GNPTAB: variants seen among roughly 807,000 people sequenced by gnomAD.
GNPTAB encodes N-acetylglucosamine-1-phosphate transferase subunits alpha and beta, also known as N-acetylglucosamine-1-phosphotransferase subunits alpha/beta.
In GNPTAB, 92 loss-of-function variants were observed where a neutral mutation model predicts 136.6. The observed-to-expected ratio is 0.67, with a 90% CI of 0.57 to 0.80. GNPTAB has a LOEUF of 0.80. Among genes scored for constraint, GNPTAB ranks in the 30% least tolerant of loss-of-function variants. The pLI, the probability that GNPTAB is intolerant of heterozygous loss-of-function variation, is 0.00. For missense variants in GNPTAB, 1,343 were observed against 1,501.8 expected, an observed-to-expected ratio of 0.89 and a Z score of 1.75; for synonymous variants, 512 against 535.1, an observed-to-expected ratio of 0.96 and a Z score of 0.60.
chr12:101,772,331 A>G (rs1168842859), intron 7 of GNPTAB, among the ~76,000 whole-genome samples: 1 of 152,240 alleles, frequency 6.6e-6, no homozygotes, highest in East Asian at 1.9e-4. Flanking sequence ...CACAAATTTT[A>G]TTATGAGCTT....
chr12:101,787,899 G>GC (rs1370375403), intron 4 of GNPTAB, among the ~76,000 whole-genome samples: 2 of 98,876 alleles, frequency 2.0e-5, no homozygotes, highest in Admixed American at 2.6e-4. Flanking sequence ...GACAACAAGA[G>GC]CAAAACTCCG....
At chr12:101,772,856 G>A (rs949351386) in intron 7 of GNPTAB, among the ~76,000 whole-genome samples, 18 of 152,218 alleles carry the variant, frequency 1.2e-4, no homozygotes, top group African/African-American at 3.4e-4. Context: ...TGACTCTGTC[G>A]TGCAGGCTGG....
rs575510608 is a variant in GNPTAB at position 101,766,563 on chromosome 12, G to A, written c.1409-269C>T. 2.3e-3 allele frequency among the ~76,000 whole-genome samples: 352 copies of A among 152,260 alleles called. 1 individual carries two copies. Among genetic ancestry groups the A allele is most frequent in the South Asian group, 6.4e-3 (31 of 4,826 alleles). On this transcript the variant is annotated intron_variant, in intron 11 of 20. Transcript: ENST00000299314. ...TGAGGCAGGAGAATTGCTTGAACCCGGGAGGCGGAGGTTGCACTGAGCCAA... is the reference window on the plus strand; with the variant it reads ...TGAGGCAGGAGAATTGCTTGAACCCAGGAGGCGGAGGTTGCACTGAGCCAA...
intron 13 of GNPTAB, 21 bp downstream of exon 13, chr12:101,764,181 A>AT: frequency 6.2e-7 from 1 of 1,613,406 alleles, no homozygotes; most frequent in South Asian, 1.1e-5. Flanking sequence ...ATGAGAAAGA[A>AT]TGAGGCTGGA....
chr12:101,760,067 A>G lies in GNPTAB; in HGVS notation c.3212T>C (p.Ile1071Thr), dbSNP rs1341043294. The G allele has an allele frequency of 6.2e-7, 1 of 1,613,318 alleles. No homozygotes were observed. Among genetic ancestry groups the G allele is most frequent in the Non-Finnish European group, 8.5e-7 (1 of 1,179,270 alleles). Residue 1071 changes from isoleucine to threonine, a missense_variant, in exon 16 of 21, where the codon ATT (isoleucine) becomes ACT (threonine). Ile to Thr is a moderately conservative substitution (Grantham distance 89). Coordinates refer to ENST00000299314, the MANE Select transcript of GNPTAB (RefSeq NM_024312.5). ...ATAGTAGGATTCCTGAGTTGGTGGA[A>G]TATTATTTAGCTGCGTGATATCAGC... ...LPADITQLNN[I>T]PPTQESYYDP...
chr12:101,763,450 A>AT (rs565136645), intron 13 of GNPTAB, among the ~76,000 whole-genome samples: 35 of 146,964 alleles, frequency 2.4e-4, no homozygotes, highest in East Asian at 7.9e-4. Flanking sequence ...AGACTGTATG[A>AT]TTTTTTTTTT....
chr12:101,787,687 G>A (rs1310415528), intron 4 of GNPTAB, among the ~76,000 whole-genome samples: 2 of 152,138 alleles, frequency 1.3e-5, no homozygotes, highest in Non-Finnish European at 2.9e-5. Flanking sequence ...GCCGAGGCGG[G>A]CGGATCACCT....
chr12:101,749,824 C>T (rs906712411), intron 19 of GNPTAB, among the ~76,000 whole-genome samples: 1 of 152,184 alleles, frequency 6.6e-6, no homozygotes, highest in African/African-American at 2.4e-5. Flanking sequence ...ATCCATGCGG[C>T]AGCATGGGGG....
chr12:101,807,087 C>T (rs999442411), intron 1 of GNPTAB, among the ~76,000 whole-genome samples: 1 of 152,168 alleles, frequency 6.6e-6, no homozygotes, highest in Non-Finnish European at 1.5e-5. Flanking sequence ...TTTACCACAA[C>T]CAACTGGGAT....
rs577252804 is a variant in GNPTAB, at chr12:101,757,653, G to A, written c.3254C>T (p.Pro1085Leu). ...GTTTGTTACTAGACTTTTAGTGACC[G>A]GTGGCTATGAGAAAATATAAGTAGA... ...QESYYDPNLP[P>L]VTKSLVTNCK... The change falls in exon 17 of 21, where the codon CCG (proline) becomes CTG (leucine). Residue 1085 changes from proline to leucine, a missense_variant. By Grantham distance (98) the Pro-to-Leu change is moderately conservative. Coordinates refer to ENST00000299314, the MANE Select transcript of GNPTAB (RefSeq NM_024312.5). 82 of 1,519,244 alleles carry A rather than the reference G, an allele frequency of 5.4e-5. No homozygotes were observed. The South Asian group carries it at 7.7e-4, about 14-fold the overall frequency. 94.1% of individuals were successfully genotyped at this position (1,519,244 alleles called of 1,614,324 possible).
chr12:101,796,716 G>GA lies in GNPTAB; in HGVS notation c.163dup (p.Ser55PhefsTer3), dbSNP rs281864949. 1 of 1,612,588 alleles carries GA rather than the reference G, an allele frequency of 6.2e-7. No individual in the cohort carries two copies. Among genetic ancestry groups the GA allele is most frequent in the African/African-American group, 1.3e-5 (1 of 74,914 alleles). On this transcript the variant is annotated frameshift_variant, in exon 2 of 21. Transcript: ENST00000299314. LOFTEE classifies it high-confidence loss of function. ...CTTTCCAGCAATATTGTCTCTATAG[G>GA]AATCAAACAAAACATGGTATTGATC...
Position 101,766,300 on chromosome 12 carries a change from G to A in GNPTAB, c.1409-6C>T. On this transcript the variant is annotated splice_polypyrimidine_tract_variant and splice_region_variant and intron_variant, in intron 11 of 20. Coordinates refer to ENST00000299314, the MANE Select transcript of GNPTAB (RefSeq NM_024312.5). ...GCGACTCCCTCCACTGTTTCCTGTA[G>A]ATCGGAGGAAGAAGAGGGATTCTTG... The A allele has an allele frequency of 6.2e-7, 1 of 1,611,036 alleles. No homozygotes were observed. The highest frequency in any genetic ancestry group is 8.5e-7 in the Non-Finnish European group (1 of 1,177,320).
chr12:101,758,478 G>C (rs1952937447), intron 16 of GNPTAB, among the ~76,000 whole-genome samples: 1 of 152,218 alleles, frequency 6.6e-6, no homozygotes, highest in Non-Finnish European at 1.5e-5. Flanking sequence ...CCCAGCCCTA[G>C]TCTCATTCTT....
chr12:101,774,785 T>C (rs1008485661), intron 7 of GNPTAB, among the ~76,000 whole-genome samples: 1 of 152,226 alleles, frequency 6.6e-6, no homozygotes, highest in Non-Finnish European at 1.5e-5. Context: ...ATTTAAAAAT[T>C]GGCTTTAAAA....
Position 101,790,065 on chromosome 12 carries a change from A to G in GNPTAB, c.204-8T>C, listed in dbSNP as rs1216388815. 6.2e-7 allele frequency: 1 copy of G among 1,614,212 alleles called. No individual in the cohort carries two copies. The highest frequency in any genetic ancestry group is 1.1e-5 in the South Asian group (1 of 91,086). Reference sequence around the variant, plus strand: ...GGCATGGGCAGACAAAGCCTAGGGCAAACCAACAAATCCTCCAGCTTAAAT... The same window carrying G: ...GGCATGGGCAGACAAAGCCTAGGGCGAACCAACAAATCCTCCAGCTTAAAT... On this transcript the variant is annotated splice_polypyrimidine_tract_variant and splice_region_variant and intron_variant, in intron 2 of 20. Coordinates refer to ENST00000299314, the MANE Select transcript of GNPTAB (RefSeq NM_024312.5).
Position 101,764,410 on chromosome 12 carries a change from G to A in GNPTAB, c.2507C>T (p.Pro836Leu), listed in dbSNP as rs1227025135. 2.5e-6 allele frequency: 4 copies of A among 1,613,430 alleles called. No individual in the cohort carries two copies. The South Asian group carries it at 4.4e-5, about 18-fold the overall frequency. ...IGGNVTKEKP[P>L]SLIVPLESQM... ...GCTTTCCAGTGGAACAATCAGAGAT[G>A]GGGGCTTTTCTTTTGTCACATTTCC... The change falls in exon 13 of 21, where the codon CCA becomes CTA. Residue 836 changes from proline to leucine, a missense_variant. Transcript: ENST00000299314.
chr12:101,748,111 CTT>C (rs1170505833), intron 20 of GNPTAB, among the ~76,000 whole-genome samples: 1 of 152,158 alleles, frequency 6.6e-6, no homozygotes, highest in Non-Finnish European at 1.5e-5. Context: ...TTTCATAAGA[CTT>C]TTACCTGCCA....
chr12:101,766,933 C>G (rs1056888509), intron 11 of GNPTAB, among the ~76,000 whole-genome samples: 1 of 152,150 alleles, frequency 6.6e-6, no homozygotes, highest in Non-Finnish European at 1.5e-5. Context: ...CTGTGACTAT[C>G]AGAACTGCCA....
At chr12:101,751,527 G>A (rs1952819291) in intron 19 of GNPTAB, among the ~76,000 whole-genome samples, 1 of 152,172 alleles carries the variant, frequency 6.6e-6, no homozygotes, top group African/African-American at 2.4e-5. Flanking sequence ...ATAATTAAAT[G>A]TTGGCAATGG....
Sources: gnomAD v4.1 joint callset for allele counts (sites outside exome capture counted in the v4.1 genomes callset) on GRCh38, gnomAD v4.1.1 for gene constraint, MANE v1.5 for transcripts, NCBI Gene and HGNC (gene_info 2026-07-23, HGNC 2026-07-21) for gene names.